Variants in DAB1 observed in about 807,000 individuals in gnomAD.
DAB1 encodes DAB adaptor protein 1, also known as disabled homolog 1.
A neutral mutation model predicts 64.6 loss-of-function variants in DAB1; 15 were observed. The observed-to-expected ratio is 0.23, with a 90% CI of 0.16 to 0.36. DAB1 has a LOEUF of 0.36. DAB1 is among the 10% of genes least tolerant of loss of function. The probability of loss-of-function intolerance (pLI) is 1.00; values close to 1 mark genes in which losing one functional copy is unlikely to be tolerated. For synonymous variants in DAB1, 235 were observed against 251.9 expected (o/e 0.93, Z 0.64); for missense variants, 596 against 706.7 (o/e 0.84, Z 1.78).
At chr1:57,081,121 G>A (rs899048531) in intron 4 of DAB1, among the ~76,000 whole-genome samples, 1 of 152,168 alleles carries the variant, frequency 6.6e-6, no homozygotes, top group East Asian at 1.9e-4. Context: ...TATATAGAAG[G>A]ATTTGAATCC....
intron 1 of DAB1, among the ~76,000 whole-genome samples, chr1:57,380,250 T>A (rs776141539): frequency 9.9e-5 from 15 of 152,168 alleles, no homozygotes; most frequent in Admixed American, 2.0e-4. Flanking sequence ...AGCCATCTGA[T>A]CTAAACTAGG....
In DAB1 at chr1:57,654,652, C is replaced by T. The variant is rs187683654; in HGVS notation, n.552-4987G>A. On this transcript the variant is annotated intron_variant and non_coding_transcript_variant, in intron 6 of 20. Transcript: ENST00000485760. ...ATGTAATGAAATATATTTAACTCTT[C>T]TCTCATTTTTTCTTAATCTAGCTAA... Among the ~76,000 whole-genome samples, 62 of 152,196 alleles carry T rather than the reference C, an allele frequency of 4.1e-4. No individual in the cohort carries two copies. The East Asian group carries it at 0.01, about 25-fold the overall frequency.
intron 7 of DAB1, among the ~76,000 whole-genome samples, chr1:57,553,907 CG>C (rs1026374728): frequency 7.9e-5 from 12 of 151,446 alleles, no homozygotes; most frequent in African/African-American, 2.9e-4. Context: ...GGGAGGTTAA[CG>C]GGAGGGGGCA....
intron 7 of DAB1, among the ~76,000 whole-genome samples, chr1:57,634,365 T>C (rs1179847999): frequency 1.3e-5 from 2 of 152,258 alleles, no homozygotes; most frequent in African/African-American, 4.8e-5. Context: ...GGGCAAGTTA[T>C]TGAACCTTTC....
chr1:57,438,195 C>G (rs1258327505), intron 7 of DAB1, among the ~76,000 whole-genome samples: 2 of 151,624 alleles, frequency 1.3e-5, no homozygotes, highest in Admixed American at 6.6e-5. Flanking sequence ...ATGTCTAACA[C>G]AAAGATCATC....
At chr1:57,300,607 CAGA>C (rs1178075316) in intron 1 of DAB1, among the ~76,000 whole-genome samples, 1 of 152,090 alleles carries the variant, frequency 6.6e-6, no homozygotes, top group African/African-American at 2.4e-5. Flanking sequence ...GGCAAGTCTG[CAGA>C]AGGAGAGATA....
rs981429293 is a variant in DAB1, at chr1:58,537,084, C to T, written n.32+9619G>A. On this transcript the variant is annotated intron_variant and non_coding_transcript_variant, in intron 1 of 20. Transcript: ENST00000485760. ...AAATTCTCTCTCTCTCTCTCTCTCT[C>T]TGTATATATATATATACCATCTCAT... Among the ~76,000 whole-genome samples, 9 of 151,344 alleles carry T rather than the reference C, an allele frequency of 5.9e-5. No individual in the cohort carries two copies. The East Asian group carries it at 1.7e-3, about 29-fold the overall frequency.
At chr1:58,284,921 C>T (rs1337872870) in intron 4 of DAB1, among the ~76,000 whole-genome samples, 1 of 152,224 alleles carries the variant, frequency 6.6e-6, no homozygotes, top group Non-Finnish European at 1.5e-5. Flanking sequence ...TCTGCTTACA[C>T]TGCAGTGGCA....
chr1:58,118,503 T>TATATATATATATATATATATACAC (rs1341446315), intron 5 of DAB1, among the ~76,000 whole-genome samples: 1 of 53,122 alleles, frequency 1.9e-5, no homozygotes, highest in Non-Finnish European at 2.9e-5. Flanking sequence ...TATATATATA[T>TATATATATATATATATATATACAC]ACACACACAC....
chr1:58,240,019 T>C (rs888761705), intron 4 of DAB1, among the ~76,000 whole-genome samples: 1 of 152,038 alleles, frequency 6.6e-6, no homozygotes, highest in Non-Finnish European at 1.5e-5. Flanking sequence ...CACACAACAG[T>C]AGGAGGTGGA....
intron 1 of DAB1, among the ~76,000 whole-genome samples, chr1:57,331,088 G>A (rs1460415208): frequency 1.3e-5 from 2 of 152,036 alleles, no homozygotes; most frequent in African/African-American, 4.8e-5. Flanking sequence ...ACTTAACATT[G>A]TAAATTAGGA....
chr1:57,915,475 T>TA (rs1644712545), intron 5 of DAB1, among the ~76,000 whole-genome samples: 1 of 152,150 alleles, frequency 6.6e-6, no homozygotes, highest in African/African-American at 2.4e-5. Context: ...CCTTAAATCT[T>TA]ACTCCAGCTG....
At chr1:58,222,996 G>A (rs569282165) in intron 4 of DAB1, among the ~76,000 whole-genome samples, 4 of 152,266 alleles carry the variant, frequency 2.6e-5, no homozygotes, top group African/African-American at 9.6e-5. Flanking sequence ...GACTGGGTCA[G>A]GGGCCTCTTT....
At chr1:57,413,110 C>A (rs959327272) in intron 1 of DAB1, among the ~76,000 whole-genome samples, 6 of 152,076 alleles carry the variant, frequency 3.9e-5, no homozygotes. Flanking sequence ...AACAATGAAG[C>A]CTGAATAACA....
intron 12 of DAB1, among the ~76,000 whole-genome samples, chr1:57,013,068 A>G (rs1478724104): frequency 1.3e-5 from 2 of 152,258 alleles, no homozygotes; most frequent in African/African-American, 4.8e-5. Context: ...CGTTTCTCTC[A>G]TAGAGTGATT....
chr1:57,964,379 T>C (rs138753370), intron 5 of DAB1, among the ~76,000 whole-genome samples: 43 of 152,210 alleles, frequency 2.8e-4, no homozygotes, highest in African/African-American at 1.0e-3. Context: ...AGACACTTGC[T>C]ACATATTTAA....
intron 8 of DAB1, among the ~76,000 whole-genome samples, 179 bp from the exon 9 acceptor site, chr1:57,063,122 C>T (rs1650564238): frequency 6.6e-6 from 1 of 152,072 alleles, no homozygotes; most frequent in Admixed American, 6.5e-5. Context: ...CCCTTAGGAG[C>T]ATCAGATGGG....
At chr1:57,503,357 C>T (rs1644311491) in intron 7 of DAB1, among the ~76,000 whole-genome samples, 1 of 152,184 alleles carries the variant, frequency 6.6e-6, no homozygotes, top group Non-Finnish European at 1.5e-5. Flanking sequence ...TGCCAGTTAA[C>T]ACACATGACT....
At chr1:58,079,818 C>T (rs1649884584) in intron 5 of DAB1, among the ~76,000 whole-genome samples, 4 of 151,788 alleles carry the variant, frequency 2.6e-5, no homozygotes, top group South Asian at 2.1e-4. Context: ...TGCACCTGGC[C>T]GAGCATACCA....
Sources: allele counts gnomAD v4.1 joint callset (sites outside exome capture counted in the v4.1 genomes callset), GRCh38; gene constraint gnomAD v4.1.1; transcripts MANE v1.5; gene names NCBI Gene and HGNC (gene_info 2026-07-23, HGNC 2026-07-21).